ZNF318: variants seen among roughly 807,000 people sequenced by gnomAD.
ZNF318 encodes zinc finger protein 318.
Under a neutral mutation model 124.2 loss-of-function variants are expected in ZNF318, and 51 were observed. The observed-to-expected ratio is 0.41, with a 90% CI of 0.33 to 0.52. ZNF318 has a LOEUF of 0.52. Ranked by LOEUF, ZNF318 falls within the 20% of genes least tolerant of loss-of-function variation. The probability of loss-of-function intolerance (pLI) is 0.23; values close to 1 mark genes in which losing one functional copy is unlikely to be tolerated. For synonymous variants in ZNF318, 1,090 were observed against 1,040.7 expected (o/e 1.05, Z -0.91); for missense variants, 2,815 against 2,811.2 (o/e 1.00, Z -0.03).
intron 4 of ZNF318, among the ~76,000 whole-genome samples, chr6:43,353,578 G>A (rs1779563349): frequency 6.6e-6 from 1 of 152,078 alleles, no homozygotes; most frequent in African/African-American, 2.4e-5. Flanking sequence ...GTTTCACCGT[G>A]TTAGCCAGGA....
intron 6 of ZNF318, among the ~76,000 whole-genome samples, chr6:43,343,656 C>T (rs1392931215): frequency 2.0e-5 from 3 of 151,742 alleles, no homozygotes; most frequent in African/African-American, 7.3e-5. Flanking sequence ...TGGTGAAACC[C>T]CATCTCTACT....
At chr6:43,349,868 G>A (rs1304357148) in intron 5 of ZNF318, among the ~76,000 whole-genome samples, 2 of 152,060 alleles carry the variant, frequency 1.3e-5, no homozygotes, top group African/African-American at 2.4e-5. Context: ...AGGATCATTT[G>A]AGTCCAGAAA....
Position 43,337,303 on chromosome 6 carries a change from G to A in ZNF318, c.6695C>T (p.Pro2232Leu), listed in dbSNP as rs375248587. The change falls in exon 10 of 10, where the codon CCT (proline) becomes CTT (leucine). Residue 2232 changes from proline to leucine, a missense_variant. Pro to Leu is a moderately conservative substitution (Grantham distance 98). Coordinates refer to ENST00000361428, the MANE Select transcript of ZNF318 (RefSeq NM_014345.3). ...CACTGGAGCTTTAACCAAATTCAGA[G>A]GGTCGCCACTGTCATCATCTACTTG... ...ILQVDDDSGD[P>L]LNLVKAPVSR... 8.7e-6 allele frequency: 14 copies of A among 1,614,176 alleles called. No individual in the cohort carries two copies. Among genetic ancestry groups the A allele is most frequent in the Middle Eastern group, 1.6e-4 (1 of 6,062 alleles).
At position 43,337,649 on chromosome 6, in the gene ZNF318, A is replaced by G; in HGVS notation, c.6349T>C (p.Leu2117=). Residue 2117 remains leucine (L), a synonymous_variant, in exon 10 of 10, where the codon TTG becomes CTG. Transcript: ENST00000361428. ...TGGTGTGTTCCCTCTAGGCCCCCCAAGCCACGGTCAACATTTTCTGTAAGT... is the reference window on the plus strand; with the variant it reads ...TGGTGTGTTCCCTCTAGGCCCCCCAGGCCACGGTCAACATTTTCTGTAAGT... The part of the protein sequence containing the change: ...TGLTENVDRG[L]GGLEGTHQAL... 1 of 1,614,130 alleles carries G rather than the reference A, an allele frequency of 6.2e-7. No individual in the cohort carries two copies. The highest frequency in any genetic ancestry group is 1.1e-5 in the South Asian group (1 of 91,082).
At position 43,354,649 on chromosome 6, in the gene ZNF318, A is replaced by T; in HGVS notation, c.2670+15T>A. The T allele has an allele frequency of 6.3e-7, 1 of 1,575,858 alleles. No homozygotes were observed. The highest frequency in any genetic ancestry group is 8.6e-7 in the Non-Finnish European group (1 of 1,159,558). ...CAGAAAACTCAGGCACAGGATACCC[A>T]AAGCTAATATTCACCTTTTGCTTCT... On this transcript the variant is annotated intron_variant, in intron 4 of 9. Transcript: ENST00000361428.
In ZNF318 at chr6:43,355,826, T is replaced by G; in HGVS notation, c.1508A>C (p.Asp503Ala). Reference sequence around the variant, plus strand: ...CAGAATGCGGGAAAAACCACTGCCATCCTGGCTAGCTCTCTCATGGGGCAG... The same window carrying G: ...CAGAATGCGGGAAAAACCACTGCCAGCCTGGCTAGCTCTCTCATGGGGCAG... ...FLLPHERASQDGSGFSRILSM... is the reference protein window; with the variant it reads ...FLLPHERASQAGSGFSRILSM... The change falls in exon 4 of 10, where the codon GAT (aspartate) becomes GCT (alanine). Residue 503 changes from aspartate to alanine, a missense_variant. Transcript: ENST00000361428. The G allele has an allele frequency of 6.2e-7, 1 of 1,614,234 alleles. No individual in the cohort carries two copies.
rs1207607993 is a variant in ZNF318, at chr6:43,358,356, TC to T, written c.549-592del. ...TCCGCCTCTCAGGTTCACGCCATTC[TC>T]CTGCCTCAGTCTCCCGAGTAACTGG... On this transcript the variant is annotated intron_variant, in intron 2 of 9. Transcript: ENST00000361428. Among the ~76,000 whole-genome samples, 9 of 151,232 alleles carry T rather than the reference TC, an allele frequency of 6.0e-5. No individual in the cohort carries two copies. In the Middle Eastern group the frequency reaches 0.01, roughly 175 times the overall value.
chr6:43,352,317 CAAA>C, intron 5 of ZNF318, 57 bp downstream of exon 5: 1 of 1,198,888 alleles, frequency 8.3e-7, no homozygotes, highest in African/African-American at 3.6e-5. Context: ...GTGAGAGTAC[CAAA>C]TTTGGGTCTC....
At chr6:43,359,062 A>T (rs1230284285) in intron 2 of ZNF318, among the ~76,000 whole-genome samples, 3 of 152,234 alleles carry the variant, frequency 2.0e-5, no homozygotes, top group South Asian at 2.1e-4. Context: ...GGTAACTTTT[A>T]AAAAAACTAC....
At position 43,352,480 on chromosome 6, in the gene ZNF318, C is replaced by A. The variant is rs749091095; in HGVS notation, c.2671-4G>T. ...GTTTTTCCCTCTCTTCAATAACCTG[C>A]AAAATACAAAGTGGTAAGAGAGTCC... On this transcript the variant is annotated splice_polypyrimidine_tract_variant and splice_region_variant and intron_variant, in intron 4 of 9. Coordinates refer to ENST00000361428, the MANE Select transcript of ZNF318 (RefSeq NM_014345.3). The A allele has an allele frequency of 1.3e-5, 21 of 1,612,948 alleles. No individual in the cohort carries two copies. Among genetic ancestry groups the A allele is most frequent in the Non-Finnish European group, 1.7e-5 (20 of 1,179,130 alleles).
intron 4 of ZNF318, among the ~76,000 whole-genome samples, chr6:43,353,921 A>G (rs890723285): frequency 7.2e-5 from 11 of 152,206 alleles, no homozygotes; most frequent in South Asian, 6.2e-4. Flanking sequence ...TGGGGACCCA[A>G]TGAACCTGGA....
At chr6:43,352,305 G>C in intron 5 of ZNF318, 72 bp downstream of exon 5, 1 of 1,007,652 alleles carries the variant, frequency 9.9e-7, no homozygotes. Context: ...TACTGAACCT[G>C]TGTGAGAGTA....
intron 1 of ZNF318, among the ~76,000 whole-genome samples, chr6:43,368,108 G>C (rs930451353): frequency 6.6e-6 from 1 of 152,138 alleles, no homozygotes; most frequent in Admixed American, 6.5e-5. Context: ...GGATCTCTTG[G>C]GGTGGTGGTT....
chr6:43,350,827 A>T lies in ZNF318; in HGVS notation c.2770+1550T>A, dbSNP rs560843729. Among the ~76,000 whole-genome samples, 236 of 152,310 alleles carry T rather than the reference A, an allele frequency of 1.5e-3. 1 individual carries two copies. Among genetic ancestry groups the T allele is most frequent in the African/African-American group, 5.1e-3 (210 of 41,576 alleles). On this transcript the variant is annotated intron_variant, in intron 5 of 9. Transcript: ENST00000361428. ...AGACCCTGTCTCAAAAAAAATTTTT[A>T]AATAACTATTATCATAATAACTGGC...
At chr6:43,356,978 T>G (rs1020445019) in intron 3 of ZNF318, 148 bp downstream of exon 3, 17 of 887,988 alleles carry the variant, frequency 1.9e-5, no homozygotes, top group Admixed American at 3.0e-5. Flanking sequence ...TACAGTTTCG[T>G]TTGGAGAGTC....
chr6:43,368,921 A>G, intron 1 of ZNF318, 46 bp downstream of exon 1: 3 of 1,246,062 alleles, frequency 2.4e-6, no homozygotes, highest in Non-Finnish European at 3.0e-6. Context: ...ATTCCGGGGG[A>G]GGGGACTGGG....
intron 1 of ZNF318, among the ~76,000 whole-genome samples, chr6:43,366,038 GT>G (rs1440664361): frequency 2.0e-5 from 3 of 151,516 alleles, no homozygotes; most frequent in African/African-American, 7.3e-5. Context: ...CCAAAAACAA[GT>G]TTAAAGAAAA....
In ZNF318 at chr6:43,339,538, C is replaced by T; in HGVS notation, c.4460G>A (p.Ser1487Asn). 4 of 1,613,442 alleles carry T rather than the reference C, an allele frequency of 2.5e-6. No homozygotes were observed. Among genetic ancestry groups the T allele is most frequent in the Non-Finnish European group, 3.4e-6 (4 of 1,179,966 alleles). ...AATGTTAGGACCCACGAAGCCAGGG[C>T]TGAGAGTCTGAGATACAACTGGGTT... ...KSNPVVSQTL[S>N]PGFVGPNILN... Residue 1487 changes from serine (S) to asparagine (N), a missense_variant, in exon 10 of 10, where the codon AGC (serine) becomes AAC (asparagine). Around this residue, in one of 4 missense-constraint regions of ZNF318, gnomAD observed 500 missense variants for 605.2 expected, o/e 0.83. Transcript: ENST00000361428. The surrounding 1 kb of genome is among the most constrained non-coding windows in gnomAD (Gnocchi z 4.2).
Position 43,357,491 on chromosome 6 carries a change from G to A in ZNF318, c.823C>T (p.Arg275Cys), listed in dbSNP as rs1360806417. The change falls in exon 3 of 10, where the codon CGT becomes TGT. Residue 275 changes from arginine (R) to cysteine (C), a missense_variant. This residue lies in a region of ZNF318 where 1,377 missense variants were observed against 1,353.5 expected (regional missense o/e 1.02). Coordinates refer to ENST00000361428, the MANE Select transcript of ZNF318 (RefSeq NM_014345.3). The stretch of plus-strand genomic sequence containing the variant: ...TTTATCTTCACTGTGTCATCATAAC[G>A]GGGTCTTTTGGCCTCCCGGCTCCTT... ...EERSREAKRP[R>C]YDDTVKINSM... The A allele has an allele frequency of 1.9e-6, 3 of 1,614,086 alleles. No homozygotes were observed. The highest frequency in any genetic ancestry group is 3.3e-4 in the Middle Eastern group (2 of 6,062).
Sources: gnomAD v4.1 joint callset for allele counts (sites outside exome capture counted in the v4.1 genomes callset) on GRCh38, gnomAD v4.1.1 for gene constraint, gnomAD v4.1.1 regional missense constraint, Gnocchi (gnomAD v3.1) non-coding constraint, MANE v1.5 for transcripts, NCBI Gene and HGNC (gene_info 2026-07-23, HGNC 2026-07-21) for gene names.